The following UBR2 variants were observed in gnomAD, a reference collection of about 807,000 sequenced individuals.
The protein encoded by UBR2 is ubiquitin protein ligase E3 component n-recognin 2, also known as E3 ubiquitin-protein ligase UBR2.
Under a neutral mutation model 247.9 loss-of-function variants are expected in UBR2, and 92 were observed. That is an observed-to-expected ratio of 0.37 (90% CI 0.31 to 0.44). The LOEUF (loss-of-function observed/expected upper bound fraction) is 0.44. Among genes scored for constraint, UBR2 ranks in the 20% least tolerant of loss-of-function variants. The pLI, the probability that UBR2 is intolerant of heterozygous loss-of-function variation, is 1.00. For synonymous variants in UBR2, 672 were observed against 693.5 expected, an observed-to-expected ratio of 0.97 and a Z score of 0.49; for missense variants, 1,613 against 2,112.6, an observed-to-expected ratio of 0.76 and a Z score of 4.64.
chr6:42,635,480 A>G lies in UBR2; in HGVS notation c.1608A>G (p.Ala536=), dbSNP rs139930945. 1.9e-6 allele frequency: 3 copies of G among 1,613,646 alleles called. No homozygotes were observed. Among genetic ancestry groups the G allele is most frequent in the Non-Finnish European group, 2.5e-6 (3 of 1,179,706 alleles). The change falls in exon 14 of 47, where the codon GCA becomes GCG. Residue 536 remains alanine (A), a synonymous_variant. Coordinates refer to ENST00000372901, the MANE Select transcript of UBR2 (RefSeq NM_001363705.2). ...TTGAAATGGAACCAGAGTGGGAAGC[A>G]GCCTTCACACTACAAATGAAATTAA... ...QHIEMEPEWE[A]AFTLQMKLTH...
At chr6:42,580,547 A>ATT (rs35507530) in intron 2 of UBR2, among the ~76,000 whole-genome samples, 9 of 148,938 alleles carry the variant, frequency 6.0e-5, no homozygotes, top group African/African-American at 2.2e-4. Flanking sequence ...TTAATTGTAC[A>ATT]TTTTTTTTTT....
intron 4 of UBR2, among the ~76,000 whole-genome samples, chr6:42,596,646 G>A (rs1020678159): frequency 9.9e-5 from 15 of 152,206 alleles, no homozygotes; most frequent in Middle Eastern, 3.4e-3. Context: ...AATATTTTTC[G>A]TCCATAAAAA....
chr6:42,606,199 C>T (rs934324985), intron 6 of UBR2, among the ~76,000 whole-genome samples: 3 of 151,296 alleles, frequency 2.0e-5, no homozygotes, highest in Admixed American at 6.6e-5. Context: ...GCCGAGATTG[C>T]GCCATTGCAC....
chr6:42,625,636 G>A (rs889261580), intron 11 of UBR2, among the ~76,000 whole-genome samples: 1 of 151,840 alleles, frequency 6.6e-6, no homozygotes, highest in East Asian at 1.9e-4. Context: ...TTTCAGTAGA[G>A]ATGGAGTTTT....
Position 42,612,240 on chromosome 6 carries a change from A to G in UBR2, c.934A>G (p.Asn312Asp), listed in dbSNP as rs767034442. The G allele has an allele frequency of 1.3e-6, 2 of 1,545,252 alleles. No individual in the cohort carries two copies. Among genetic ancestry groups the G allele is most frequent in the South Asian group, 2.4e-5 (2 of 81,994 alleles). The stretch of plus-strand genomic sequence containing the variant: ...GCATTCGTCTATTGTCGCACATCAG[A>G]ATTTTGGTTTGAAACTTTTGTCTTG... ...VMHSSIVAHQ[N>D]FGLKLLSWLG... The change falls in exon 8 of 47, where the codon AAT (asparagine) becomes GAT (aspartate). Residue 312 changes from asparagine (N) to aspartate (D), a missense_variant. Around this residue, in one of 3 missense-constraint regions of UBR2, gnomAD observed 1,524 missense variants for 1,967.3 expected, o/e 0.77. Coordinates refer to ENST00000372901, the MANE Select transcript of UBR2 (RefSeq NM_001363705.2).
intron 45 of UBR2, 105 bp downstream of exon 45, chr6:42,688,491 C>A: frequency 7.6e-7 from 1 of 1,317,922 alleles, no homozygotes; most frequent in Non-Finnish European, 1.0e-6. Flanking sequence ...GACTACTGTT[C>A]CGTGTGATTC....
chr6:42,691,299 T>A lies in UBR2; in HGVS notation c.*126T>A. On this transcript the variant is annotated 3_prime_UTR_variant, in exon 47 of 47. Transcript: ENST00000372901. ...TAAACTTTCCTTCCCAGTTTTATAGTTTCTGGTTCTGAGGACTGATGAAAA... is the reference window on the plus strand; with the variant it reads ...TAAACTTTCCTTCCCAGTTTTATAGATTCTGGTTCTGAGGACTGATGAAAA... 2 of 1,350,514 alleles carry A rather than the reference T, an allele frequency of 1.5e-6. No homozygotes were observed. The highest frequency in any genetic ancestry group is 2.0e-6 in the Non-Finnish European group (2 of 981,688). 83.7% of individuals were successfully genotyped at this position (1,350,514 alleles called of 1,614,324 possible). A position where few individuals can be genotyped will look rare whatever the true frequency, so the allele number is the denominator to read the frequency against.
chr6:42,605,959 T>C (rs1039155522), intron 6 of UBR2, 100 bp downstream of exon 6: 2 of 1,081,170 alleles, frequency 1.8e-6, no homozygotes, highest in Non-Finnish European at 2.5e-6. Flanking sequence ...ATATCTAGGC[T>C]TTTCTTAAAA....
In UBR2 at chr6:42,635,376, CTA is replaced by C. The variant is rs1206684769; in HGVS notation, c.1546-40_1546-39del. The C allele has an allele frequency of 2.1e-5, 33 of 1,580,010 alleles. No individual in the cohort carries two copies. In the Admixed American group the frequency reaches 5.2e-4, roughly 25 times the overall value. ...CTTAGGTTTCCATATAAAAGAACAA[CTA>C]TTATTTTCATTCATATATAATTTTT... On this transcript the variant is annotated intron_variant, in intron 13 of 46. Coordinates refer to ENST00000372901, the MANE Select transcript of UBR2 (RefSeq NM_001363705.2).
intron 41 of UBR2, among the ~76,000 whole-genome samples, chr6:42,679,488 G>A (rs187677217): frequency 9.8e-5 from 15 of 152,328 alleles, no homozygotes; most frequent in African/African-American, 3.4e-4. Flanking sequence ...TGATAAAGCC[G>A]AGACACCAGG....
In UBR2 at chr6:42,606,678, T is replaced by A. The variant is rs1793724618; in HGVS notation, c.864+27T>A. The stretch of plus-strand genomic sequence containing the variant: ...TAAGTAATTTAAAAACATGCTTATA[T>A]TATTTTTTATTAGTTTAAAACTAGC... On this transcript the variant is annotated intron_variant, in intron 7 of 46. Transcript: ENST00000372901. 15 of 1,544,768 alleles carry A rather than the reference T, an allele frequency of 9.7e-6. No homozygotes were observed. The East Asian group carries it at 3.4e-4, about 35-fold the overall frequency.
chr6:42,679,726 C>G lies in UBR2; in HGVS notation c.4612C>G (p.Pro1538Ala). The G allele has an allele frequency of 6.2e-7, 1 of 1,611,096 alleles. No individual in the cohort carries two copies. The highest frequency in any genetic ancestry group is 8.5e-7 in the Non-Finnish European group (1 of 1,177,840). Residue 1538 changes from proline (P) to alanine (A), a missense_variant and splice_region_variant, in exon 42 of 47, where the codon CCT becomes GCT. Physicochemically the swap from Pro to Ala is conservative, Grantham distance 27. Coordinates refer to ENST00000372901, the MANE Select transcript of UBR2 (RefSeq NM_001363705.2). ...GVPSPPDIQV[P>A]GTSHFEHLCS... Reference sequence around the variant, plus strand: ...CTTTTCTTGTTCTTCATTTGCAGTTCCTGGAACAAGCCATTTTGAACATTT... The same window carrying G: ...CTTTTCTTGTTCTTCATTTGCAGTTGCTGGAACAAGCCATTTTGAACATTT...
rs770255388 is a variant in UBR2 at position 42,642,409 on chromosome 6, T to G, written c.2032-7T>G. 2 of 1,587,172 alleles carry G rather than the reference T, an allele frequency of 1.3e-6. No individual in the cohort carries two copies. Among genetic ancestry groups the G allele is most frequent in the South Asian group, 2.3e-5 (2 of 88,540 alleles). ...TATTTACTCAATATAATTACTTTTTTTTTTAGATTTATTACTACCATAATG... is the reference window on the plus strand; with the variant it reads ...TATTTACTCAATATAATTACTTTTTGTTTTAGATTTATTACTACCATAATG... On this transcript the variant is annotated splice_region_variant and splice_polypyrimidine_tract_variant and intron_variant, in intron 17 of 46. Coordinates refer to ENST00000372901, the MANE Select transcript of UBR2 (RefSeq NM_001363705.2).
rs1252769502 is a variant in UBR2 at position 42,676,866 on chromosome 6, A to G, written c.4471A>G (p.Thr1491Ala). 2 of 1,613,102 alleles carry G rather than the reference A, an allele frequency of 1.2e-6. No individual in the cohort carries two copies. Residue 1491 changes from threonine to alanine, a missense_variant, in exon 40 of 47, where the codon ACG becomes GCG. Thr to Ala is a moderately conservative substitution (Grantham distance 58, BLOSUM62 0). Transcript: ENST00000372901. ...TTTGTATAAAACACTTCACCAGTAT[A>G]CGGGAAGGTGAGTTAGTTATCTTTA... ...LALYKTLHQY[T>A]GSALKEIPSG...
chr6:42,614,986 A>G, intron 8 of UBR2, 85 bp from the exon 9 acceptor site: 2 of 1,120,170 alleles, frequency 1.8e-6, no homozygotes, highest in South Asian at 3.2e-5. Flanking sequence ...TTAAAACTCT[A>G]CAGATCCATT....
At position 42,689,692 on chromosome 6, in the gene UBR2, G is replaced by A; in HGVS notation, c.5126+22G>A. On this transcript the variant is annotated intron_variant, in intron 46 of 46. Transcript: ENST00000372901. The surrounding 1 kb of genome is among the most constrained non-coding windows in gnomAD (Gnocchi z 4.0). ...TCAGGTAAGAACCCATCCTGAGTTA[G>A]CTAACTCAGGGCCTGCAGCGCCCTT... 1.9e-6 allele frequency: 3 copies of A among 1,605,556 alleles called. No individual in the cohort carries two copies. The South Asian group carries it at 3.3e-5, about 18-fold the overall frequency.
At position 42,670,236 on chromosome 6, in the gene UBR2, C is replaced by T; in HGVS notation, c.4026C>T (p.Ser1342=). 6.2e-7 allele frequency: 1 copy of T among 1,613,406 alleles called. No individual in the cohort carries two copies. The highest frequency in any genetic ancestry group is 1.1e-5 in the South Asian group (1 of 91,020). Residue 1342 remains serine (S), a synonymous_variant, in exon 35 of 47, where the codon AGC becomes AGT. Transcript: ENST00000372901. ...GTAGCTGCGCGTACACCATCCAAAG[C>T]ATAGGTAAGAGATTTACAGCTGTTT... ...CWGSCAYTIQ[S]IERILSDEDK... is the part of the protein sequence containing the mutation.
rs958113066 is a variant in UBR2, at chr6:42,615,370, A to G, written c.1093+192A>G. ...ATGATCCAACTTAAATGGACTTTAT[A>G]TTTTGTTACAGAATTATGTTTAGAA... On this transcript the variant is annotated intron_variant, in intron 9 of 46. Coordinates refer to ENST00000372901, the MANE Select transcript of UBR2 (RefSeq NM_001363705.2). 2.6e-5 allele frequency among the ~76,000 whole-genome samples: 4 copies of G among 152,178 alleles called. No homozygotes were observed. The South Asian group carries it at 8.3e-4, about 31-fold the overall frequency.
chr6:42,582,207 C>G (rs957339710), intron 2 of UBR2, among the ~76,000 whole-genome samples: 1 of 145,852 alleles, frequency 6.9e-6, no homozygotes, highest in African/African-American at 2.5e-5. Flanking sequence ...GACGTGAACC[C>G]GGGAGGTGGA....
Sources: allele counts gnomAD v4.1 joint callset (sites outside exome capture counted in the v4.1 genomes callset), GRCh38; gene constraint gnomAD v4.1.1; regional missense constraint gnomAD v4.1.1; non-coding constraint Gnocchi (gnomAD v3.1); transcripts MANE v1.5; gene names NCBI Gene and HGNC (gene_info 2026-07-23, HGNC 2026-07-21).